The following SORCS1 variants were observed in gnomAD, a reference collection of about 807,000 sequenced individuals.
The protein encoded by SORCS1 is VPS10 domain-containing receptor SorCS1.
SORCS1 carries 60 observed loss-of-function variants against 146.1 expected under a neutral mutation model. The ratio of observed to expected loss-of-function variants is 0.41; its 90% CI spans 0.33 to 0.51. The LOEUF is 0.51. SORCS1 is among the 20% of genes least tolerant of loss of function. The probability of loss-of-function intolerance (pLI) is 0.21; values close to 1 mark genes in which losing one functional copy is unlikely to be tolerated. For synonymous variants in SORCS1, 637 were observed against 584.0 expected (o/e 1.09, Z -1.31); for missense variants, 1,352 against 1,487.6 (o/e 0.91, Z 1.50).
chr10:106,653,220 T>C (rs1427799313), intron 17 of SORCS1, among the ~76,000 whole-genome samples: 1 of 152,224 alleles, frequency 6.6e-6, no homozygotes, highest in African/African-American at 2.4e-5. Flanking sequence ...AATTAACCTA[T>C]ATAATTTATC....
intron 4 of SORCS1, among the ~76,000 whole-genome samples, chr10:106,768,662 C>T (rs1284769811): frequency 1.3e-5 from 2 of 152,162 alleles, no homozygotes; most frequent in Non-Finnish European, 2.9e-5. Flanking sequence ...TAGTGATTGT[C>T]TAAAAAGGCA....
intron 2 of SORCS1, among the ~76,000 whole-genome samples, chr10:106,840,857 ATATATATTT>A (rs1416674814): frequency 9.4e-6 from 1 of 106,770 alleles, no homozygotes; most frequent in African/African-American, 3.6e-5. Flanking sequence ...ATATATATAT[ATATATATTT>A]TTTTTTTTTG....
intron 21 of SORCS1, among the ~76,000 whole-genome samples, chr10:106,615,409 C>A (rs1261958153): frequency 6.6e-6 from 1 of 152,174 alleles, no homozygotes; most frequent in Non-Finnish European, 1.5e-5. Context: ...CACTAGCTAA[C>A]CCCAGCGTTT....
rs143630095 is a variant in SORCS1 at position 106,925,602 on chromosome 10, A to C, written c.626+30911T>G. Among the ~76,000 whole-genome samples, 460 of 152,316 alleles carry C rather than the reference A, an allele frequency of 3.0e-3. 5 individuals are homozygous for C. The highest frequency in any genetic ancestry group is 8.9e-3 in the African/African-American group (370 of 41,570). On this transcript the variant is annotated intron_variant, in intron 2 of 25. Transcript: ENST00000263054. ...TCCCTCACTGTTCCCTCCACTTAAC[A>C]AAGGCTTTTGAGAAGTAAGAATATT...
At position 106,885,245 on chromosome 10, in the gene SORCS1, A is replaced by AT. The variant is rs995530610; in HGVS notation, c.627-55573dup. On this transcript the variant is annotated intron_variant, in intron 2 of 25. Coordinates refer to ENST00000263054, the MANE Select transcript of SORCS1 (RefSeq NM_052918.5). ...TTTCTAATTTTCAACTGTATGTATG[A>AT]TTTTTTTTAGAAATATAATAAAGTT... Among the ~76,000 whole-genome samples, 3 of 148,616 alleles carry AT rather than the reference A, an allele frequency of 2.0e-5. No homozygotes were observed. In the Admixed American group the frequency reaches 2.0e-4, roughly 10 times the overall value.
intron 24 of SORCS1, among the ~76,000 whole-genome samples, chr10:106,588,839 T>C (rs867998170): frequency 8.0e-5 from 9 of 112,038 alleles, no homozygotes; most frequent in East Asian, 5.9e-4. Context: ...CCAGCCTGGG[T>C]GACAGGGCAA....
intron 24 of SORCS1, among the ~76,000 whole-genome samples, chr10:106,585,179 G>A (rs942122253): frequency 4.0e-5 from 6 of 151,046 alleles, no homozygotes; most frequent in East Asian, 1.9e-4. Context: ...AGCCAAGATC[G>A]TGCCACTGTA....
At chr10:106,608,008 T>C (rs1038190056) in intron 22 of SORCS1, among the ~76,000 whole-genome samples, 1 of 152,222 alleles carries the variant, frequency 6.6e-6, no homozygotes, top group Non-Finnish European at 1.5e-5. Flanking sequence ...ACTTCTTGTT[T>C]ATCCTAGCTC....
chr10:106,927,964 A>G (rs1198442471), intron 2 of SORCS1, among the ~76,000 whole-genome samples: 1 of 152,226 alleles, frequency 6.6e-6, no homozygotes, highest in African/African-American at 2.4e-5. Context: ...CAGAGTGCCA[A>G]TTGGTGTATT....
At chr10:106,681,559 A>T (rs1198723573) in intron 10 of SORCS1, among the ~76,000 whole-genome samples, 6 of 152,218 alleles carry the variant, frequency 3.9e-5, no homozygotes, top group Non-Finnish European at 8.8e-5. Context: ...GAGCAATGCC[A>T]GGAGTATGTG....
intron 1 of SORCS1, among the ~76,000 whole-genome samples, chr10:107,100,769 A>G (rs1239194760): frequency 6.6e-6 from 1 of 152,238 alleles, no homozygotes; most frequent in Non-Finnish European, 1.5e-5. Context: ...GTTCAGGAGA[A>G]AGAACAAGGG....
At chr10:106,694,083 C>T (rs531558046) in intron 9 of SORCS1, among the ~76,000 whole-genome samples, 4 of 152,082 alleles carry the variant, frequency 2.6e-5, no homozygotes, top group Non-Finnish European at 5.9e-5. Context: ...ATATTTTTCT[C>T]GAGAGGACAA....
At chr10:106,959,076 C>T (rs760296073) in intron 1 of SORCS1, among the ~76,000 whole-genome samples, 20 of 152,186 alleles carry the variant, frequency 1.3e-4, no homozygotes, top group East Asian at 3.8e-4. Flanking sequence ...AAAGGTGCCC[C>T]GGAGAAGGAA....
chr10:106,893,815 T>C (rs1278793507), intron 2 of SORCS1, among the ~76,000 whole-genome samples: 2 of 152,340 alleles, frequency 1.3e-5, no homozygotes, highest in African/African-American at 4.8e-5. Context: ...CAAAAATGGA[T>C]AATTATCCCT....
intron 18 of SORCS1, among the ~76,000 whole-genome samples, chr10:106,647,389 TACACAC>T (rs3044913): frequency 9.5e-5 from 14 of 147,416 alleles, no homozygotes; most frequent in African/African-American, 3.0e-4. Flanking sequence ...TTATAAATTT[TACACAC>T]ACACACACAC....
intron 4 of SORCS1, among the ~76,000 whole-genome samples, chr10:106,767,498 T>G (rs2136297417): frequency 6.6e-6 from 1 of 152,284 alleles, no homozygotes; most frequent in African/African-American, 2.4e-5. Flanking sequence ...TATTTATTTA[T>G]TTATTTTTGA....
intron 2 of SORCS1, among the ~76,000 whole-genome samples, chr10:106,872,190 T>C (rs1314603536): frequency 6.6e-6 from 1 of 152,232 alleles, no homozygotes; most frequent in Non-Finnish European, 1.5e-5. Flanking sequence ...CTACTTTATA[T>C]AGCATAGCCA....
At chr10:106,750,758 A>AAAAAAG in intron 5 of SORCS1, among the ~76,000 whole-genome samples, 1 of 134,030 alleles carries the variant, frequency 7.5e-6, no homozygotes, top group Non-Finnish European at 1.6e-5. Flanking sequence ...AAAAAAAAAA[A>AAAAAAG]AAAGAAAAGA....
intron 1 of SORCS1, among the ~76,000 whole-genome samples, chr10:107,027,571 G>A (rs1281911743): frequency 3.9e-5 from 6 of 152,158 alleles, no homozygotes; most frequent in Non-Finnish European, 8.8e-5. Context: ...AGGTGCTGAA[G>A]TCATAAACCA....
Sources: allele counts gnomAD v4.1 joint callset (sites outside exome capture counted in the v4.1 genomes callset), GRCh38; gene constraint gnomAD v4.1.1; transcripts MANE v1.5; gene names NCBI Gene and HGNC (gene_info 2026-07-23, HGNC 2026-07-21).